USH2A: variants seen among roughly 807,000 people sequenced by gnomAD.
The protein encoded by USH2A is Usher syndrome 2A (autosomal recessive, mild).
A neutral mutation model predicts 538.9 loss-of-function variants in USH2A; 443 were observed. The ratio of observed to expected loss-of-function variants is 0.82; its 90% confidence interval spans 0.76 to 0.89. USH2A has a LOEUF of 0.89. USH2A is among the 40% of genes least tolerant of loss of function. USH2A has a pLI of 0.00. For missense variants in USH2A, 6,633 were observed against 6,324.8 expected, an observed-to-expected ratio of 1.05 and a Z score of -1.65; for synonymous variants, 2,413 against 2,273.5, an observed-to-expected ratio of 1.06 and a Z score of -1.75.
At chr1:215,634,773 A>G (rs1656423197) in intron 69 of USH2A, 70 bp from the exon 70 acceptor site, 2 of 1,612,044 alleles carry the variant, frequency 1.2e-6, no homozygotes, top group African/African-American at 1.3e-5. Context: ...TGGCCCTGCT[A>G]TTTGATAGTA....
At chr1:216,351,308 G>A (rs949154608) in intron 4 of USH2A, among the ~76,000 whole-genome samples, 1 of 152,128 alleles carries the variant, frequency 6.6e-6, no homozygotes, top group Non-Finnish European at 1.5e-5. Flanking sequence ...AGATGTAAAC[G>A]GGGTGATAAG....
At chr1:216,323,771 A>G (rs2037667764) in intron 7 of USH2A, 76 bp from the exon 8 acceptor site, 2 of 1,315,584 alleles carry the variant, frequency 1.5e-6, no homozygotes, top group Non-Finnish European at 2.2e-6. Flanking sequence ...ATGTTGAGAA[A>G]TTACTACACA....
At chr1:215,699,364 T>C (rs989533797) in intron 61 of USH2A, among the ~76,000 whole-genome samples, 6 of 152,206 alleles carry the variant, frequency 3.9e-5, no homozygotes, top group Non-Finnish European at 7.3e-5. Context: ...AGAAAGTCAA[T>C]GGTAGCTTGA....
At chr1:216,159,537 T>TACACAC (rs60343349) in intron 21 of USH2A, among the ~76,000 whole-genome samples, 5,111 of 146,890 alleles carry the variant, frequency 0.035, 146 homozygotes, top group African/African-American at 0.075. Flanking sequence ...TTTATTTATG[T>TACACAC]ACACACACAC....
intron 67 of USH2A, among the ~76,000 whole-genome samples, chr1:215,644,627 T>C (rs1302725964): frequency 2.6e-5 from 4 of 152,176 alleles, no homozygotes; most frequent in African/African-American, 9.7e-5. Flanking sequence ...TAAAAAAGGA[T>C]TGAACATTGA....
chr1:215,819,773 A>G (rs1452735115), intron 47 of USH2A, among the ~76,000 whole-genome samples: 1 of 151,778 alleles, frequency 6.6e-6, no homozygotes, highest in Non-Finnish European at 1.5e-5. Context: ...GAGACCGCCT[A>G]TATTTTCGGC....
At chr1:215,656,654 A>G (rs1657263694) in intron 64 of USH2A, among the ~76,000 whole-genome samples, 1 of 152,244 alleles carries the variant, frequency 6.6e-6, no homozygotes, top group African/African-American at 2.4e-5. Flanking sequence ...GAGTTGTATT[A>G]GTAAAAGTGT....
At chr1:216,212,255 G>T (rs1434338729) in intron 15 of USH2A, among the ~76,000 whole-genome samples, 1 of 152,066 alleles carries the variant, frequency 6.6e-6, no homozygotes, top group Non-Finnish European at 1.5e-5. Context: ...CCACAATCTT[G>T]TCTGACTCCA....
intron 12 of USH2A, 102 bp downstream of exon 12, chr1:216,250,801 G>T (rs2102551415): frequency 3.1e-6 from 4 of 1,279,326 alleles, no homozygotes; most frequent in South Asian, 2.5e-5. Flanking sequence ...AGCCTGTCTT[G>T]AGCAAAGAAA....
intron 4 of USH2A, among the ~76,000 whole-genome samples, chr1:216,356,753 C>T (rs948915144): frequency 1.3e-5 from 2 of 151,948 alleles, no homozygotes; most frequent in African/African-American, 4.8e-5. Context: ...TTATTTGTTA[C>T]TTTAAATCAT....
chr1:215,633,638 A>C (rs1169582298), intron 70 of USH2A, among the ~76,000 whole-genome samples: 3 of 152,040 alleles, frequency 2.0e-5, no homozygotes, highest in East Asian at 3.9e-4. Flanking sequence ...CTAATATAGA[A>C]CCTTAGTGCA....
At chr1:215,890,752 C>T (rs1665187374) in intron 40 of USH2A, among the ~76,000 whole-genome samples, 1 of 152,078 alleles carries the variant, frequency 6.6e-6, no homozygotes, top group African/African-American at 2.4e-5. Context: ...TTATGCTTGT[C>T]ATCTAGATTT....
chr1:215,888,438 G>C lies in USH2A; in HGVS notation c.8211C>G (p.Pro2737=). The C allele has an allele frequency of 6.2e-7, 1 of 1,613,148 alleles. No homozygotes were observed. The highest frequency in any genetic ancestry group is 1.3e-5 in the African/African-American group (1 of 75,006). Residue 2737 remains proline (P), a synonymous_variant, in exon 41 of 72, where the codon CCC becomes CCG. Transcript: ENST00000307340. ...VQPPVVTVLE[P]DAVQVTWKPP... ...GTCAGTATCTTACCTGGACTGCATC[G>C]GGTTCCAGCACTGTCACCACAGGTG... is the stretch of plus-strand genomic sequence containing the variant.
At position 216,073,291 on chromosome 1, in the gene USH2A, C is replaced by A; in HGVS notation, c.5582G>T (p.Gly1861Val). 1 of 1,612,966 alleles carries A rather than the reference C, an allele frequency of 6.2e-7. No individual in the cohort carries two copies. The highest frequency in any genetic ancestry group is 8.5e-7 in the Non-Finnish European group (1 of 1,179,804). ...QHLCLEQGFG[G>V]CMKDVKFTRG... ...TGTAAATTTAACATCCTTCATGCAA[C>A]CACCGAAACCTAGCAAATAGTAAGG... The change falls in exon 28 of 72, where the codon GGT becomes GTT. Residue 1861 changes from glycine to valine, a missense_variant. Coordinates refer to ENST00000307340, the MANE Select transcript of USH2A (RefSeq NM_206933.4).
intron 22 of USH2A, among the ~76,000 whole-genome samples, chr1:216,089,581 C>T (rs996828645): frequency 1.3e-5 from 2 of 151,980 alleles, no homozygotes; most frequent in African/African-American, 4.8e-5. Flanking sequence ...TCACTCTTAT[C>T]TTCACAAAAT....
chr1:215,870,128 G>A (rs1664584834), intron 43 of USH2A, among the ~76,000 whole-genome samples: 1 of 152,042 alleles, frequency 6.6e-6, no homozygotes, highest in African/African-American at 2.4e-5. Context: ...GCTGGACATA[G>A]GGTTTATTCA....
At chr1:216,001,535 C>A (rs932242423) in intron 32 of USH2A, among the ~76,000 whole-genome samples, 10 of 152,132 alleles carry the variant, frequency 6.6e-5, no homozygotes, top group South Asian at 4.1e-4. Context: ...GGTAATCTAA[C>A]CAAAGTTCAG....
intron 12 of USH2A, among the ~76,000 whole-genome samples, chr1:216,249,314 G>A (rs1007783228): frequency 6.6e-6 from 1 of 151,976 alleles, no homozygotes; most frequent in Admixed American, 6.6e-5. Flanking sequence ...TAGTAGGGAT[G>A]GCATTATACA....
intron 61 of USH2A, among the ~76,000 whole-genome samples, chr1:215,699,094 G>A (rs1011156491): frequency 6.6e-6 from 1 of 152,104 alleles, no homozygotes; most frequent in Non-Finnish European, 1.5e-5. Flanking sequence ...CCCATTGCTT[G>A]TTTTTGTCAG....
Sources: allele counts gnomAD v4.1 joint callset (sites outside exome capture counted in the v4.1 genomes callset), GRCh38; gene constraint gnomAD v4.1.1; transcripts MANE v1.5; gene names NCBI Gene and HGNC (gene_info 2026-07-23, HGNC 2026-07-21).